ANO6: variants seen among roughly 807,000 people sequenced by gnomAD.
ANO6 encodes anoctamin-6.
A neutral mutation model predicts 117.5 loss-of-function variants in ANO6; 106 were observed. That is an observed-to-expected ratio of 0.90 (90% CI 0.77 to 1.06). The LOEUF is 1.06. Ranked by LOEUF, ANO6 falls within the 50% of genes least tolerant of loss-of-function variation. The pLI is 0.00. For missense variants in ANO6, 955 were observed against 1,121.1 expected (o/e 0.85, Z 2.12); for synonymous variants, 367 against 385.1 (o/e 0.95, Z 0.55).
At chr12:45,375,383 GC>G in intron 9 of ANO6, among the ~76,000 whole-genome samples, 1 of 152,314 alleles carries the variant, frequency 6.6e-6, no homozygotes, top group East Asian at 1.9e-4. Flanking sequence ...CCAAAAAAGA[GC>G]CCGCATAGCC....
Position 45,331,292 on chromosome 12 carries a change from C to T in ANO6, c.151-3C>T, listed in dbSNP as rs751685422. On this transcript the variant is annotated splice_polypyrimidine_tract_variant and splice_region_variant and intron_variant, in intron 2 of 19. Coordinates refer to ENST00000320560, the MANE Select transcript of ANO6 (RefSeq NM_001025356.3). ...TTACAATTTGTTTTTCTGTTTTACA[C>T]AGGAAGAATTTAATGGAAAACCTGA... is the stretch of plus-strand genomic sequence containing the variant. 3.7e-6 allele frequency: 6 copies of T among 1,605,918 alleles called. No individual in the cohort carries two copies. The highest frequency in any genetic ancestry group is 5.1e-6 in the Non-Finnish European group (6 of 1,175,780).
Position 45,429,349 on chromosome 12 carries a change from CT to C in ANO6, c.*41del. On this transcript the variant is annotated 3_prime_UTR_variant, in exon 20 of 20. Coordinates refer to ENST00000320560, the MANE Select transcript of ANO6 (RefSeq NM_001025356.3). ...CTGAGAAGCACTTTAAGGAATTTAG[CT>C]TTGTCAAAATATATTAGGAATCACT... 6.2e-7 allele frequency: 1 copy of C among 1,601,818 alleles called. No individual in the cohort carries two copies. The highest frequency in any genetic ancestry group is 1.3e-5 in the African/African-American group (1 of 74,508).
intron 1 of ANO6, among the ~76,000 whole-genome samples, chr12:45,252,191 C>G (rs1391747822): frequency 6.6e-6 from 1 of 152,164 alleles, no homozygotes; most frequent in Non-Finnish European, 1.5e-5. Context: ...GCCAGTTTCA[C>G]CTGGCAGAAC....
intron 1 of ANO6, among the ~76,000 whole-genome samples, chr12:45,254,028 A>T (rs965011248): frequency 6.6e-6 from 1 of 152,124 alleles, no homozygotes; most frequent in Non-Finnish European, 1.5e-5. Context: ...TTAGCTGGGC[A>T]TGGTGGTGTG....
chr12:45,252,985 C>A (rs1937678608), intron 1 of ANO6, among the ~76,000 whole-genome samples: 1 of 152,180 alleles, frequency 6.6e-6, no homozygotes, highest in Non-Finnish European at 1.5e-5. Context: ...TCTTTTGAGA[C>A]TTCCTTGGGG....
In ANO6 at chr12:45,356,573, T is replaced by A. The variant is rs541670582; in HGVS notation, c.864-717T>A. On this transcript the variant is annotated intron_variant, in intron 7 of 19. Transcript: ENST00000320560. ...GTTAAGCTAAAGAAAAGAATGTTAT[T>A]AAGAAATCATAAGAAAGTATATTTA... is the stretch of plus-strand genomic sequence containing the variant. Among the ~76,000 whole-genome samples the A allele has an allele frequency of 2.3e-4, 35 of 152,318 alleles. No homozygotes were observed. The Middle Eastern group carries it at 0.02, about 89-fold the overall frequency.
chr12:45,332,895 C>T (rs776681790), intron 3 of ANO6, among the ~76,000 whole-genome samples: 39 of 152,010 alleles, frequency 2.6e-4, no homozygotes, highest in Non-Finnish European at 5.0e-4. Flanking sequence ...GGTCAGAACT[C>T]AGAAGAGTGG....
intron 2 of ANO6, among the ~76,000 whole-genome samples, chr12:45,325,828 C>T (rs1391093488): frequency 1.8e-4 from 28 of 152,110 alleles, no homozygotes; most frequent in Admixed American, 1.8e-3. Context: ...ACAATTATAA[C>T]TCTGTGGGTT....
At chr12:45,237,641 T>C (rs1318920696) in intron 1 of ANO6, among the ~76,000 whole-genome samples, 1 of 152,228 alleles carries the variant, frequency 6.6e-6, no homozygotes, top group East Asian at 1.9e-4. Context: ...GTAGTATAGT[T>C]TGAAGTCAGG....
intron 3 of ANO6, among the ~76,000 whole-genome samples, chr12:45,332,001 T>C (rs1288375077): frequency 1.3e-5 from 2 of 152,044 alleles, no homozygotes; most frequent in African/African-American, 2.4e-5. Flanking sequence ...CATTTTTCTC[T>C]GTTACCTCCC....
At chr12:45,408,694 G>T (rs1943008923) in intron 15 of ANO6, among the ~76,000 whole-genome samples, 2 of 152,018 alleles carry the variant, frequency 1.3e-5, no homozygotes, top group Non-Finnish European at 2.9e-5. Context: ...CCCTCCAATG[G>T]CTCCTCATTT....
intron 7 of ANO6, among the ~76,000 whole-genome samples, chr12:45,356,857 C>G (rs563428522): frequency 6.6e-6 from 1 of 152,102 alleles, no homozygotes; most frequent in African/African-American, 2.4e-5. Context: ...TTGTGACTTA[C>G]GTTACATTTT....
At chr12:45,383,502 C>T (rs1477356083) in intron 10 of ANO6, 1 of 152,144 alleles carries the variant, frequency 6.6e-6, no homozygotes, top group Non-Finnish European at 1.5e-5. Context: ...CAAATAATTA[C>T]TATCTATGGC....
At chr12:45,237,985 A>C (rs1282348315) in intron 1 of ANO6, among the ~76,000 whole-genome samples, 4 of 152,082 alleles carry the variant, frequency 2.6e-5, no homozygotes, top group African/African-American at 7.2e-5. Context: ...TCTTTGTAGC[A>C]GTTGTGAATG....
In ANO6 at chr12:45,239,209, A is replaced by T. The variant is rs552507749; in HGVS notation, c.70+22818A>T. ...GTTGGTAGCTATAAATTATTGCCTCAATTTCAGAGCCTGTTATTGGTCTAT... is the reference window on the plus strand; with the variant it reads ...GTTGGTAGCTATAAATTATTGCCTCTATTTCAGAGCCTGTTATTGGTCTAT... On this transcript the variant is annotated intron_variant, in intron 1 of 19. Transcript: ENST00000320560. Among the ~76,000 whole-genome samples the T allele has an allele frequency of 7.9e-5, 12 of 152,268 alleles. No individual in the cohort carries two copies. In the South Asian group the frequency reaches 1.5e-3, roughly 18 times the overall value.
downstream of ANO6, among the ~76,000 whole-genome samples, chr12:45,434,302 G>T (rs929028622): frequency 1.3e-5 from 2 of 152,094 alleles, no homozygotes; most frequent in Non-Finnish European, 1.5e-5. Flanking sequence ...GTGATAAATC[G>T]CTGTCAGTCA....
At chr12:45,235,385 G>T (rs943945534) in intron 1 of ANO6, among the ~76,000 whole-genome samples, 3 of 152,188 alleles carry the variant, frequency 2.0e-5, no homozygotes, top group African/African-American at 7.2e-5. Context: ...TAAGAGTGGG[G>T]TACAGTTTCC....
chr12:45,329,396 TAC>T (rs1592973902), intron 2 of ANO6, among the ~76,000 whole-genome samples: 2 of 152,100 alleles, frequency 1.3e-5, no homozygotes, highest in African/African-American at 4.8e-5. Flanking sequence ...ACCTACTTAT[TAC>T]ACACAGGCAA....
intron 1 of ANO6, among the ~76,000 whole-genome samples, chr12:45,254,082 G>A (rs1184337228): frequency 2.0e-5 from 3 of 152,126 alleles, no homozygotes; most frequent in South Asian, 2.1e-4. Flanking sequence ...CAGAAGAATC[G>A]CTTGAACCCG....
Sources: gnomAD v4.1 joint callset for allele counts (sites outside exome capture counted in the v4.1 genomes callset) on GRCh38, gnomAD v4.1.1 for gene constraint, MANE v1.5 for transcripts, NCBI Gene and HGNC (gene_info 2026-07-23, HGNC 2026-07-21) for gene names.